CBFA2T2: variants seen among roughly 807,000 people sequenced by gnomAD.
CBFA2T2 encodes protein CBFA2T2.
A neutral mutation model predicts 62.2 loss-of-function variants in CBFA2T2; 11 were observed. That is an observed-to-expected ratio of 0.18 (90% confidence interval 0.11 to 0.29). The LOEUF is 0.29. Among genes scored for constraint, CBFA2T2 ranks in the 10% least tolerant of loss-of-function variants. The pLI is 1.00. For missense variants in CBFA2T2, 592 were observed against 774.1 expected, an observed-to-expected ratio of 0.76 and a Z score of 2.79; for synonymous variants, 295 against 287.5, an observed-to-expected ratio of 1.03 and a Z score of -0.27.
chr20:33,641,612 C>T (rs1461397766), intron 10 of CBFA2T2, among the ~76,000 whole-genome samples: 2 of 152,210 alleles, frequency 1.3e-5, no homozygotes, highest in East Asian at 3.8e-4. Flanking sequence ...AAGTTCAGCA[C>T]TCACTCTGTC....
At chr20:33,573,586 A>G (rs1057334383) in intron 1 of CBFA2T2, among the ~76,000 whole-genome samples, 1 of 151,606 alleles carries the variant, frequency 6.6e-6, no homozygotes, top group Non-Finnish European at 1.5e-5. Context: ...GGTTCAAGCA[A>G]TTCTACTGCC....
At chr20:33,589,018 C>T (rs950082739) in intron 1 of CBFA2T2, among the ~76,000 whole-genome samples, 2 of 152,038 alleles carry the variant, frequency 1.3e-5, no homozygotes, top group African/African-American at 4.8e-5. Flanking sequence ...ATCCCTTCCC[C>T]TAAAAAAATG....
intron 1 of CBFA2T2, among the ~76,000 whole-genome samples, chr20:33,564,230 T>G (rs1204430716): frequency 2.0e-5 from 3 of 151,954 alleles, no homozygotes; most frequent in Admixed American, 1.3e-4. Flanking sequence ...ATAGTCAGAT[T>G]TCTTGAGGTG....
intron 2 of CBFA2T2, among the ~76,000 whole-genome samples, chr20:33,608,796 G>A (rs915228148): frequency 2.0e-4 from 30 of 152,080 alleles, no homozygotes; most frequent in African/African-American, 7.2e-4. Flanking sequence ...CTACGAAAAA[G>A]CCTTTCTATA....
intron 1 of CBFA2T2, among the ~76,000 whole-genome samples, chr20:33,551,270 G>T (rs1361425866): frequency 6.6e-6 from 1 of 150,756 alleles, no homozygotes; most frequent in Non-Finnish European, 1.5e-5. Flanking sequence ...AGGCTGGAGT[G>T]CAATGGCGTA....
rs538192205 is a variant in CBFA2T2, at chr20:33,544,269, C to A, written c.34+53968C>A. 2.0e-5 allele frequency among the ~76,000 whole-genome samples: 3 copies of A among 152,296 alleles called. No individual in the cohort carries two copies. The South Asian group carries it at 6.2e-4, about 32-fold the overall frequency. ...TTTTCAGCTTCAGCCACACTAACTT[C>A]TTGCAGTTCCTTGAAGACTGTAGGC... On this transcript the variant is annotated intron_variant, in intron 1 of 10. Transcript: ENST00000342704.
intron 8 of CBFA2T2, among the ~76,000 whole-genome samples, chr20:33,631,179 T>C (rs1003995493): frequency 6.6e-6 from 1 of 152,180 alleles, no homozygotes; most frequent in African/African-American, 2.4e-5. Flanking sequence ...CCAGGCGTGG[T>C]GGCGGACGCC....
At chr20:33,615,743 T>TA (rs554069610) in intron 3 of CBFA2T2, among the ~76,000 whole-genome samples, 34 of 147,830 alleles carry the variant, frequency 2.3e-4, no homozygotes, top group South Asian at 8.5e-4. Context: ...CCCATCACTT[T>TA]AAAAAAAAAA....
chr20:33,515,341 A>C (rs1441103721), intron 1 of CBFA2T2, among the ~76,000 whole-genome samples: 1 of 82,352 alleles, frequency 1.2e-5, no homozygotes, highest in African/African-American at 5.0e-5. Flanking sequence ...ACAAAGCAAG[A>C]CTCCATCTCA....
At chr20:33,606,082 G>A (rs1381399821) in intron 1 of CBFA2T2, among the ~76,000 whole-genome samples, 2 of 152,126 alleles carry the variant, frequency 1.3e-5, no homozygotes, top group Non-Finnish European at 2.9e-5. Flanking sequence ...GCCTCCCAAA[G>A]TGCTAGGTTT....
chr20:33,535,095 T>C (rs2146872648), intron 1 of CBFA2T2, among the ~76,000 whole-genome samples: 1 of 152,350 alleles, frequency 6.6e-6, no homozygotes, highest in East Asian at 1.9e-4. Context: ...TGAGGTGTGC[T>C]GGGCATCCTG....
intron 1 of CBFA2T2, among the ~76,000 whole-genome samples, chr20:33,598,432 T>C (rs1215268661): frequency 6.6e-6 from 1 of 152,200 alleles, no homozygotes; most frequent in East Asian, 1.9e-4. Context: ...TTCAGTGATA[T>C]TTCTCCCATT....
At chr20:33,582,103 A>G (rs1170913971) in intron 1 of CBFA2T2, among the ~76,000 whole-genome samples, 4 of 152,292 alleles carry the variant, frequency 2.6e-5, no homozygotes, top group East Asian at 1.9e-4. Flanking sequence ...CAGCTACATC[A>G]TGAACTCCTT....
chr20:33,613,544 G>C (rs2015600172), intron 3 of CBFA2T2, among the ~76,000 whole-genome samples: 1 of 152,156 alleles, frequency 6.6e-6, no homozygotes, highest in Admixed American at 6.5e-5. Context: ...TTTCTGTCAA[G>C]GGAAGCCTAT....
chr20:33,514,238 A>T (rs1407612640), intron 1 of CBFA2T2, among the ~76,000 whole-genome samples: 4 of 51,402 alleles, frequency 7.8e-5, no homozygotes, highest in African/African-American at 8.0e-5. Context: ...TTTTTGAGAT[A>T]GAGTCTTACT....
At chr20:33,581,102 C>T (rs528441737) in intron 1 of CBFA2T2, among the ~76,000 whole-genome samples, 1 of 151,396 alleles carries the variant, frequency 6.6e-6, no homozygotes, top group South Asian at 2.1e-4. Context: ...TTCACTCTGT[C>T]ACCCAGGCTG....
At chr20:33,613,858 C>T (rs955881330) in intron 3 of CBFA2T2, among the ~76,000 whole-genome samples, 2 of 152,134 alleles carry the variant, frequency 1.3e-5, no homozygotes, top group African/African-American at 4.8e-5. Flanking sequence ...AAGCAGACAT[C>T]AAAATGTTAT....
chr20:33,529,977 G>A (rs1424639323), intron 1 of CBFA2T2, among the ~76,000 whole-genome samples: 1 of 151,942 alleles, frequency 6.6e-6, no homozygotes, highest in African/African-American at 2.4e-5. Context: ...AGTGGCCACA[G>A]TGTTGCACCA....
At chr20:33,638,630 C>CT (rs1195197371) in intron 9 of CBFA2T2, 1 of 152,196 alleles carries the variant, frequency 6.6e-6, no homozygotes, top group Non-Finnish European at 1.5e-5. Flanking sequence ...GCCTAGAACT[C>CT]TGTGTTTGAA....
Sources: gnomAD v4.1 joint callset for allele counts (sites outside exome capture counted in the v4.1 genomes callset) on GRCh38, gnomAD v4.1.1 for gene constraint, MANE v1.5 for transcripts, NCBI Gene and HGNC (gene_info 2026-07-23, HGNC 2026-07-21) for gene names.